TUSC3: variants seen among roughly 807,000 people sequenced by gnomAD.
TUSC3 encodes the protein tumor suppressor candidate 3, also known as dolichyl-diphosphooligosaccharide--protein glycosyltransferase subunit TUSC3.
TUSC3 carries 45 observed loss-of-function variants against 44.8 expected under a neutral mutation model. The ratio of observed to expected loss-of-function variants is 1.00; its 90% CI spans 0.79 to 1.29. The LOEUF (loss-of-function observed/expected upper bound fraction) is 1.29. TUSC3 is among the 50% of genes most tolerant of loss of function. The pLI is 0.00. For missense variants in TUSC3, 519 were observed against 437.9 expected, an observed-to-expected ratio of 1.19 and a Z score of -1.65; for synonymous variants, 212 against 152.9, an observed-to-expected ratio of 1.39 and a Z score of -2.85.
intron 4 of TUSC3, among the ~76,000 whole-genome samples, chr8:15,661,894 A>G (rs1419636962): frequency 2.0e-5 from 3 of 152,020 alleles, no homozygotes; most frequent in Non-Finnish European, 4.4e-5. Context: ...TTCTTCATGG[A>G]AAATATAAAA....
Position 15,743,535 on chromosome 8 carries a change from C to T in TUSC3, c.863-3C>T, listed in dbSNP as rs1472259942. On this transcript the variant is annotated splice_polypyrimidine_tract_variant and splice_region_variant and intron_variant, in intron 7 of 10. Coordinates refer to ENST00000503731, the MANE Select transcript of TUSC3 (RefSeq NM_006765.4). ...TCTACGGCTTCCTTGACAACTACTG[C>T]AGATGCCGCTATCACCATGGGGATG... is the stretch of plus-strand genomic sequence containing the variant. The T allele has an allele frequency of 6.2e-7, 1 of 1,613,906 alleles. No individual in the cohort carries two copies. Among genetic ancestry groups the T allele is most frequent in the South Asian group, 1.1e-5 (1 of 91,072 alleles).
At chr8:15,806,980 CTG>C in the TUSC3 span, 1 of 1,464,350 alleles carries the variant, frequency 6.8e-7, no homozygotes. Context: ...GAAACCTGTT[CTG>C]ATTCCATTCT....
At chr8:15,675,898 C>A (rs1208956072) in intron 6 of TUSC3, among the ~76,000 whole-genome samples, 1 of 152,234 alleles carries the variant, frequency 6.6e-6, no homozygotes, top group Non-Finnish European at 1.5e-5. Context: ...AATGAACATA[C>A]AAGTGTATGT....
intron 2 of TUSC3, among the ~76,000 whole-genome samples, chr8:15,531,893 A>T (rs1488705915): frequency 6.6e-6 from 1 of 152,148 alleles, no homozygotes; most frequent in Non-Finnish European, 1.5e-5. Flanking sequence ...TGTTCATTTG[A>T]TAGTTACCAT....
chr8:15,732,187 C>T (rs540670395), intron 7 of TUSC3, among the ~76,000 whole-genome samples: 1 of 152,058 alleles, frequency 6.6e-6, no homozygotes, highest in Non-Finnish European at 1.5e-5. Flanking sequence ...GGGTTGATTC[C>T]TTAGTGATAT....
the TUSC3 span, among the ~76,000 whole-genome samples, chr8:15,848,679 C>T: frequency 6.6e-6 from 1 of 152,188 alleles, no homozygotes; most frequent in South Asian, 2.1e-4. Context: ...TGACAGTCAA[C>T]CAGCTTCACA....
At chr8:15,613,128 CTT>C (rs1185277288) in intron 1 of TUSC3, among the ~76,000 whole-genome samples, 6 of 149,452 alleles carry the variant, frequency 4.0e-5, no homozygotes, top group Non-Finnish European at 7.4e-5. Flanking sequence ...CACATGGACA[CTT>C]TTTAGTGCTA....
At chr8:15,537,839 T>A (rs2129131478), upstream of TUSC3, among the ~76,000 whole-genome samples, 1 of 152,254 alleles carries the variant, frequency 6.6e-6, no homozygotes, top group East Asian at 1.9e-4. Flanking sequence ...GTTGAGTATA[T>A]CTAGATGTCA....
At chr8:15,504,802 G>A (rs549644214) in intron 2 of TUSC3, among the ~76,000 whole-genome samples, 3 of 150,124 alleles carry the variant, frequency 2.0e-5, no homozygotes, top group Non-Finnish European at 4.4e-5. Context: ...ACAGGTGCCT[G>A]CCACCATGCC....
intron 1 of TUSC3, among the ~76,000 whole-genome samples, chr8:15,441,156 C>A (rs1168251000): frequency 6.6e-6 from 1 of 152,194 alleles, no homozygotes; most frequent in Non-Finnish European, 1.5e-5. Flanking sequence ...CCTGTAATCC[C>A]AGCACTTTGG....
chr8:15,823,435 T>A, the TUSC3 span, among the ~76,000 whole-genome samples: 1 of 152,306 alleles, frequency 6.6e-6, no homozygotes, highest in Non-Finnish European at 1.5e-5. Context: ...ATAAAAATGG[T>A]AAAGCCGTCA....
intron 1 of TUSC3, among the ~76,000 whole-genome samples, chr8:15,437,855 C>T (rs116132853): frequency 3.9e-5 from 6 of 152,158 alleles, no homozygotes; most frequent in Admixed American, 2.0e-4. Flanking sequence ...CTATTAAATT[C>T]ACCTCTGCTC....
the TUSC3 span, among the ~76,000 whole-genome samples, chr8:15,772,398 G>A: frequency 6.6e-6 from 1 of 152,068 alleles, no homozygotes; most frequent in Non-Finnish European, 1.5e-5. Context: ...GAGAATAACT[G>A]TATACCAAAA....
chr8:15,687,360 C>T lies in TUSC3; in HGVS notation c.798+13524C>T, dbSNP rs116380477. Reference sequence around the variant, plus strand: ...TTATTGAGTTACATGATATTTGAGGCTGCAATTGTTTTAGAATTTTGCCTC... The same window carrying T: ...TTATTGAGTTACATGATATTTGAGGTTGCAATTGTTTTAGAATTTTGCCTC... On this transcript the variant is annotated intron_variant, in intron 6 of 10. Transcript: ENST00000503731. Among the ~76,000 whole-genome samples, 1,106 of 152,278 alleles carry T rather than the reference C, an allele frequency of 7.3e-3. 16 individuals carry two copies. The highest frequency in any genetic ancestry group is 0.026 in the African/African-American group (1,065 of 41,560).
At chr8:15,743,938 G>A (rs1369174913) in intron 8 of TUSC3, among the ~76,000 whole-genome samples, 1 of 152,004 alleles carries the variant, frequency 6.6e-6, no homozygotes, top group Non-Finnish European at 1.5e-5. Context: ...AAATTTTGAG[G>A]GCAGAGTCTT....
At chr8:15,723,799 A>G (rs1276620346) in intron 6 of TUSC3, among the ~76,000 whole-genome samples, 1 of 152,226 alleles carries the variant, frequency 6.6e-6, no homozygotes, top group Non-Finnish European at 1.5e-5. Flanking sequence ...GGACATTAGT[A>G]TCCTAAAAAA....
intron 1 of TUSC3, among the ~76,000 whole-genome samples, chr8:15,445,919 C>T (rs950389520): frequency 6.6e-6 from 1 of 150,722 alleles, no homozygotes; most frequent in Non-Finnish European, 1.5e-5. Flanking sequence ...GCGCCCCCCA[C>T]CTTCCGGACG....
chr8:15,598,832 C>A (rs1804169485), intron 1 of TUSC3, among the ~76,000 whole-genome samples: 1 of 151,622 alleles, frequency 6.6e-6, no homozygotes, highest in Admixed American at 6.6e-5. Flanking sequence ...TTTATTTACC[C>A]ATTCACTTAC....
chr8:15,462,803 G>C lies in TUSC3; in HGVS notation n.92-20583G>C, dbSNP rs137917352. On this transcript the variant is annotated intron_variant and non_coding_transcript_variant, in intron 1 of 5. Coordinates refer to the TUSC3 transcript ENST00000503191. ...CTTCAGAAATAACTTCCAACAGTGAGCAGAAAGGATGCTATTCTCTTAATA... is the reference window on the plus strand; with the variant it reads ...CTTCAGAAATAACTTCCAACAGTGACCAGAAAGGATGCTATTCTCTTAATA... Among the ~76,000 whole-genome samples the C allele has an allele frequency of 3.3e-4, 50 of 152,178 alleles. 1 individual carries two copies. In the East Asian group the frequency reaches 9.7e-3, roughly 29 times the overall value.
Sources: gnomAD v4.1 joint callset for allele counts (sites outside exome capture counted in the v4.1 genomes callset) on GRCh38, gnomAD v4.1.1 for gene constraint, MANE v1.5 for transcripts, NCBI Gene and HGNC (gene_info 2026-07-23, HGNC 2026-07-21) for gene names.